Variants in MTF2 observed in about 807,000 individuals in gnomAD.
MTF2 encodes the protein metal response element binding transcription factor 2.
Under a neutral mutation model 79.5 loss-of-function variants are expected in MTF2, and 11 were observed. That is an observed-to-expected ratio of 0.14 (90% CI 0.09 to 0.23). MTF2 has a LOEUF of 0.23. Among genes scored for constraint, MTF2 ranks in the 10% least tolerant of loss-of-function variants. The pLI is 1.00. For missense variants in MTF2, 486 were observed against 711.2 expected, an observed-to-expected ratio of 0.68 and a Z score of 3.60; for synonymous variants, 208 against 232.8, an observed-to-expected ratio of 0.89 and a Z score of 0.97.
chr1:93,121,358 A>G, intron 9 of MTF2: 1 of 817,372 alleles, frequency 1.2e-6, no homozygotes, highest in Non-Finnish European at 1.5e-6. Flanking sequence ...TTTAGCTTTT[A>G]TTTAGAATTA....
At chr1:93,103,232 T>C (rs1655622218) in intron 1 of MTF2, among the ~76,000 whole-genome samples, 1 of 151,430 alleles carries the variant, frequency 6.6e-6, no homozygotes, top group African/African-American at 2.4e-5. Flanking sequence ...AGGAAAAATA[T>C]ACGTAGTATT....
intron 3 of MTF2, among the ~76,000 whole-genome samples, chr1:93,113,685 G>A (rs1368499117): frequency 6.6e-6 from 1 of 152,140 alleles, no homozygotes; most frequent in Non-Finnish European, 1.5e-5. Context: ...GCATCTCGTA[G>A]TGGAGAGAAC....
At position 93,097,292 on chromosome 1, in the gene MTF2, C is replaced by G. The variant is rs372992246; in HGVS notation, c.6-12938C>G. The stretch of plus-strand genomic sequence containing the variant: ...ATATTTTGCCTAGCAGACATCCTTT[C>G]TTGGATGAAAGAGATAATTTAAACT... On this transcript the variant is annotated intron_variant, in intron 1 of 14. Transcript: ENST00000370298. Among the ~76,000 whole-genome samples, 257 of 152,242 alleles carry G rather than the reference C, an allele frequency of 1.7e-3. 7 individuals carry two copies. The South Asian group carries it at 0.051, about 30-fold the overall frequency.
chr1:93,134,268 A>C (rs1481518948), intron 14 of MTF2, 73 bp downstream of exon 14: 1 of 1,170,194 alleles, frequency 8.5e-7, no homozygotes, highest in Non-Finnish European at 1.2e-6. Flanking sequence ...GTGTTGATTG[A>C]ATAATTTTTT....
chr1:93,098,855 T>C (rs1358317711), intron 1 of MTF2, among the ~76,000 whole-genome samples: 1 of 152,362 alleles, frequency 6.6e-6, no homozygotes, highest in African/African-American at 2.4e-5. Flanking sequence ...CTCCAATGAA[T>C]GTGTTTCTTC....
At chr1:93,125,310 T>G (rs1476491994) in intron 9 of MTF2, among the ~76,000 whole-genome samples, 4 of 151,466 alleles carry the variant, frequency 2.6e-5, no homozygotes, top group South Asian at 2.1e-4. Flanking sequence ...GTGTTTTTTT[T>G]TTTTTTTTTT....
At chr1:93,115,135 A>G (rs1285906573) in intron 5 of MTF2, 47 bp downstream of exon 5, 2 of 1,329,088 alleles carry the variant, frequency 1.5e-6, no homozygotes, top group East Asian at 2.3e-5. Context: ...AATTTGTAAG[A>G]CATTATCAAC....
rs547530138 is a variant in MTF2 at position 93,125,312 on chromosome 1, T to G, written c.922-1920T>G. On this transcript the variant is annotated intron_variant, in intron 9 of 14. Coordinates refer to ENST00000370298, the MANE Select transcript of MTF2 (RefSeq NM_007358.4). ...CGCTGGTTTGTCAGTGTTTTTTTTT[T>G]TTTTTTTTTTTATGGTTAGCAAACA... Among the ~76,000 whole-genome samples, 515 of 151,662 alleles carry G rather than the reference T, an allele frequency of 3.4e-3. 3 individuals are homozygous for G. The highest frequency in any genetic ancestry group is 0.011 in the African/African-American group (451 of 41,498).
intron 1 of MTF2, among the ~76,000 whole-genome samples, chr1:93,093,265 T>A (rs1201510629): frequency 6.6e-6 from 1 of 152,210 alleles, no homozygotes; most frequent in Non-Finnish European, 1.5e-5. Context: ...ACAACTATGT[T>A]TAAAAATTGC....
At chr1:93,127,113 G>C (rs2101086138) in intron 9 of MTF2, 119 bp from the exon 10 acceptor site, 2 of 668,504 alleles carry the variant, frequency 3.0e-6, no homozygotes, top group African/African-American at 1.8e-5. Flanking sequence ...TTAGAACTTA[G>C]ATCTTCTGAC....
At position 93,130,728 on chromosome 1, in the gene MTF2, G is replaced by C. The variant is rs570603107; in HGVS notation, c.1160+1280G>C. On this transcript the variant is annotated intron_variant, in intron 11 of 14. Coordinates refer to ENST00000370298, the MANE Select transcript of MTF2 (RefSeq NM_007358.4). Reference sequence around the variant, plus strand: ...AGGTAGGTGGTAACACTCAAATGGAGAGAAAACAGATATGAGGTCTTTATT... The same window carrying C: ...AGGTAGGTGGTAACACTCAAATGGACAGAAAACAGATATGAGGTCTTTATT... 5.3e-5 allele frequency among the ~76,000 whole-genome samples: 8 copies of C among 152,260 alleles called. No homozygotes were observed. The South Asian group carries it at 1.7e-3, about 32-fold the overall frequency.
intron 7 of MTF2, among the ~76,000 whole-genome samples, chr1:93,119,037 G>GCA (rs1427572867): frequency 6.6e-6 from 1 of 152,194 alleles, no homozygotes; most frequent in Non-Finnish European, 1.5e-5. Context: ...ACAATTCCTG[G>GCA]CACACACAAG....
At chr1:93,108,704 C>T (rs1655908961) in intron 1 of MTF2, among the ~76,000 whole-genome samples, 2 of 145,102 alleles carry the variant, frequency 1.4e-5, no homozygotes, top group African/African-American at 2.6e-5. Context: ...TGTTGAGCTG[C>T]TTGGATGTGT....
At position 93,116,501 on chromosome 1, in the gene MTF2, A is replaced by ATTT. The variant is rs34058324; in HGVS notation, c.632+901_632+903dup. 9.3e-3 allele frequency among the ~76,000 whole-genome samples: 1,125 copies of ATTT among 120,394 alleles called. 57 individuals are homozygous for ATTT. Among genetic ancestry groups the ATTT allele is most frequent in the African/African-American group, 0.035 (1,037 of 29,658 alleles). The allele number at this position is 120,394 out of a possible 152,430, so 79.0% of individuals were successfully genotyped here. A position where few individuals can be genotyped will look rare whatever the true frequency, so the allele number is the denominator to read the frequency against. On this transcript the variant is annotated intron_variant, in intron 6 of 14. Coordinates refer to ENST00000370298, the MANE Select transcript of MTF2 (RefSeq NM_007358.4). ...TTGAACACTTAGAGGCCATTGTAAGATTTTTTTTTTTTTTTTTTTTGAGAC... is the reference window on the plus strand; with the variant it reads ...TTGAACACTTAGAGGCCATTGTAAGATTTTTTTTTTTTTTTTTTTTTTTGAGAC...
chr1:93,079,284 G>C lies in MTF2; in HGVS notation c.-243G>C. 1 of 559,936 alleles carries C rather than the reference G, an allele frequency of 1.8e-6. No homozygotes were observed. Among genetic ancestry groups the C allele is most frequent in the South Asian group, 2.3e-5 (1 of 44,338 alleles). 34.7% of individuals were successfully genotyped at this position (559,936 alleles called of 1,614,324 possible). On this transcript the variant is annotated 5_prime_UTR_variant, in exon 1 of 15. Transcript: ENST00000370298. ...TCCGCGCTCCCAGAATGCACCGGCA[G>C]TCCGCGGGAAACCAAAATGGCGAGG...
At chr1:93,114,378 A>G (rs1175881794) in intron 3 of MTF2, among the ~76,000 whole-genome samples, 1 of 152,254 alleles carries the variant, frequency 6.6e-6, no homozygotes, top group African/African-American at 2.4e-5. Context: ...GCTGTCGCCC[A>G]TCCCTCATCT....
rs568331588 is a variant in MTF2, at chr1:93,137,087, C to G, written c.*60C>G. On this transcript the variant is annotated 3_prime_UTR_variant, in exon 15 of 15. Coordinates refer to ENST00000370298, the MANE Select transcript of MTF2 (RefSeq NM_007358.4). Reference sequence around the variant, plus strand: ...ATTTTCTGTAGGTACAGTTCAAAGCCCTAAAGGAGTCTGGCTTTTACTATC... The same window carrying G: ...ATTTTCTGTAGGTACAGTTCAAAGCGCTAAAGGAGTCTGGCTTTTACTATC... The G allele has an allele frequency of 7.1e-5, 100 of 1,402,192 alleles. No individual in the cohort carries two copies. The highest frequency in any genetic ancestry group is 9.2e-5 in the Non-Finnish European group (95 of 1,030,556). The allele number at this position is 1,402,192 out of a possible 1,614,324, so 86.9% of individuals were successfully genotyped here.
chr1:93,118,771 A>G (rs1434854318), intron 7 of MTF2, among the ~76,000 whole-genome samples: 1 of 152,242 alleles, frequency 6.6e-6, no homozygotes, highest in African/African-American at 2.4e-5. Context: ...TAAAGACACA[A>G]CTATACTTTA....
At chr1:93,101,568 G>GTTTTTTTTTTTTT (rs71586778) in intron 1 of MTF2, among the ~76,000 whole-genome samples, 497 of 25,400 alleles carry the variant, frequency 0.02, 217 homozygotes, top group South Asian at 0.036. Context: ...GCTCAGGCTG[G>GTTTTTTTTTTTTT]TTTTTTTTTT....
Sources: gnomAD v4.1 joint callset for allele counts (sites outside exome capture counted in the v4.1 genomes callset) on GRCh38, gnomAD v4.1.1 for gene constraint, MANE v1.5 for transcripts, NCBI Gene and HGNC (gene_info 2026-07-23, HGNC 2026-07-21) for gene names.